ENGASE: variants seen among roughly 807,000 people sequenced by gnomAD.
ENGASE encodes the protein cytosolic endo-beta-N-acetylglucosaminidase.
ENGASE carries 69 observed loss-of-function variants against 78.5 expected under a neutral mutation model. The ratio of observed to expected loss-of-function variants is 0.88; its 90% CI spans 0.72 to 1.07. The LOEUF (loss-of-function observed/expected upper bound fraction) is 1.07, where lower values mean the gene tolerates loss of function less well. ENGASE is among the 50% of genes least tolerant of loss of function. The pLI is 0.00. For missense variants in ENGASE, 943 were observed against 988.4 expected (o/e 0.95, Z 0.62); for synonymous variants, 408 against 408.9 (o/e 1.00, Z 0.03).
In ENGASE at chr17:79,083,684, T is replaced by C; in HGVS notation, c.1252-77T>C. On this transcript the variant is annotated intron_variant, in intron 9 of 13. Transcript: ENST00000579016. This position sits in a 1 kb window ranked among gnomAD's most constrained non-coding sequence, Gnocchi z 4.9. ...CTTGCCAGCAGGCACGGTGGTGGTC[T>C]TACCCTTCCCTGCCGCTCCGGGCAC... is the stretch of plus-strand genomic sequence containing the variant. The C allele has an allele frequency of 6.4e-7, 1 of 1,562,820 alleles. No individual in the cohort carries two copies. The highest frequency in any genetic ancestry group is 1.7e-4 in the Middle Eastern group (1 of 5,880).
At chr17:79,082,889 A>G (rs2073185800) in intron 7 of ENGASE, 131 bp from the exon 8 acceptor site, 1 of 1,576,128 alleles carries the variant, frequency 6.3e-7, no homozygotes, top group East Asian at 2.3e-5. Context: ...TGCATCTAGG[A>G]GGGAGGGGTT....
At chr17:79,077,329 G>T in intron 1 of ENGASE, 101 bp from the exon 2 acceptor site, 13 of 1,012,932 alleles carry the variant, frequency 1.3e-5, no homozygotes, top group Non-Finnish European at 1.9e-5. Flanking sequence ...ATAAGGCAGA[G>T]AATATCTCTC....
In ENGASE at chr17:79,087,219, G is replaced by GCCAGC. The variant is rs2073342656; in HGVS notation, c.*878_*882dup. 1.1e-5 allele frequency: 4 copies of GCCAGC among 362,644 alleles called. No homozygotes were observed. The highest frequency in any genetic ancestry group is 6.8e-5 in the Admixed American group (2 of 29,354). 22.5% of individuals were successfully genotyped at this position (362,644 alleles called of 1,614,324 possible). Reference sequence around the variant, plus strand: ...GCAGGAAGCAGCACCTGCCCCCCGCGCCAGCCCAGCCCCAGCCTGAGTGCA... The same window carrying GCCAGC: ...GCAGGAAGCAGCACCTGCCCCCCGCGCCAGCCCAGCCCAGCCCCAGCCTGAGTGCA... On this transcript the variant is annotated 3_prime_UTR_variant, in exon 14 of 14. Coordinates refer to ENST00000579016, the MANE Select transcript of ENGASE (RefSeq NM_001042573.3).
At chr17:79,085,410 G>A (rs1006928639) in intron 12 of ENGASE, 68 bp downstream of exon 12, 7 of 1,398,650 alleles carry the variant, frequency 5.0e-6, no homozygotes, top group African/African-American at 2.9e-5. Flanking sequence ...CCCAGAGCTG[G>A]AGGGATGGAG....
chr17:79,078,044 A>G (rs2073012883), intron 3 of ENGASE, among the ~76,000 whole-genome samples, 180 bp downstream of exon 3: 2 of 152,162 alleles, frequency 1.3e-5, no homozygotes, highest in Non-Finnish European at 2.9e-5. Flanking sequence ...TTCATCTGTA[A>G]AAAGGGAAGA....
At chr17:79,080,791 A>C in intron 5 of ENGASE, 134 bp from the exon 6 acceptor site, 1 of 1,164,130 alleles carries the variant, frequency 8.6e-7, no homozygotes, top group South Asian at 1.7e-5. Flanking sequence ...TGTGGCGGGG[A>C]GGGCCTTTCA....
At position 79,078,103 on chromosome 17, in the gene ENGASE, G is replaced by A. The variant is rs368835169; in HGVS notation, c.416+239G>A. Among the ~76,000 whole-genome samples, 6 of 152,176 alleles carry A rather than the reference G, an allele frequency of 3.9e-5. No homozygotes were observed. In the East Asian group the frequency reaches 1.2e-3, roughly 29 times the overall value. Reference sequence around the variant, plus strand: ...ACCTATAATCCCAGCACTTTGGGAGGTCAAGGCAGGTGGGTCACCTGACCT... The same window carrying A: ...ACCTATAATCCCAGCACTTTGGGAGATCAAGGCAGGTGGGTCACCTGACCT... On this transcript the variant is annotated intron_variant, in intron 3 of 13. Coordinates refer to ENST00000579016, the MANE Select transcript of ENGASE (RefSeq NM_001042573.3).
Position 79,079,574 on chromosome 17 carries a change from A to G in ENGASE, c.502A>G (p.Thr168Ala), listed in dbSNP as rs1439054934. 6.2e-7 allele frequency: 1 copy of G among 1,613,840 alleles called. No homozygotes were observed. Among genetic ancestry groups the G allele is most frequent in the Non-Finnish European group, 8.5e-7 (1 of 1,179,954 alleles). Reference sequence around the variant, plus strand: ...CGTCTTTGTGTACTTCAGCCACCACACCGTCACCATTCCCCCAGTGGGCTG... The same window carrying G: ...CGTCTTTGTGTACTTCAGCCACCACGCCGTCACCATTCCCCCAGTGGGCTG... ...IDVFVYFSHH[T>A]VTIPPVGWTN... Residue 168 changes from threonine to alanine, a missense_variant, in exon 4 of 14, where the codon ACC becomes GCC. Thr to Ala is a moderately conservative substitution (Grantham distance 58, BLOSUM62 0). Coordinates refer to ENST00000579016, the MANE Select transcript of ENGASE (RefSeq NM_001042573.3).
At position 79,083,321 on chromosome 17, in the gene ENGASE, G is replaced by C. The variant is rs1262495565; in HGVS notation, c.1143-161G>C. The C allele has an allele frequency of 2.1e-5, 15 of 697,890 alleles. No homozygotes were observed. Among genetic ancestry groups the C allele is most frequent in the Non-Finnish European group, 3.6e-5 (15 of 413,910 alleles). The allele number at this position is 697,890 out of a possible 1,614,324, so 43.2% of individuals were successfully genotyped here. On this transcript the variant is annotated intron_variant, in intron 8 of 13. Transcript: ENST00000579016. The surrounding 1 kb of genome is among the most constrained non-coding windows in gnomAD (Gnocchi z 4.9). ...CCCAGCGGCCGCTTCCTGCAGACTC[G>C]TGTTTGCAGCGTATCTGTAGACGGG...
chr17:79,085,734 G>C lies in ENGASE; in HGVS notation c.1815G>C (p.Gln605His). 3.7e-6 allele frequency: 6 copies of C among 1,613,384 alleles called. No homozygotes were observed. The highest frequency in any genetic ancestry group is 5.1e-6 in the Non-Finnish European group (6 of 1,179,858). Residue 605 changes from glutamine to histidine, a missense_variant and splice_region_variant, in exon 13 of 14, where the codon CAG becomes CAC. Physicochemically the swap from Gln to His is conservative, Grantham distance 24. Transcript: ENST00000579016. ...ESFTCRLGEI[Q>H]VVDAASLLAP... ...TCACCTGTCGGCTTGGAGAGATCCA[G>C]GTGATGCTTCCCAGAGGGGCTCGGG...
At position 79,075,022 on chromosome 17, in the gene ENGASE, G is replaced by A; in HGVS notation, c.78G>A (p.Pro26=). ...RRRQLQGLAA[P]EAGTQEEQED... ...GGCAGCTGCAGGGGCTGGCGGCCCCGGAGGCGGGGACGCAGGAGGAGCAGG... is the reference window on the plus strand; with the variant it reads ...GGCAGCTGCAGGGGCTGGCGGCCCCAGAGGCGGGGACGCAGGAGGAGCAGG... The change falls in exon 1 of 14, where the codon CCG becomes CCA. Residue 26 remains proline, a synonymous_variant. Coordinates refer to ENST00000579016, the MANE Select transcript of ENGASE (RefSeq NM_001042573.3). The A allele has an allele frequency of 8.2e-7, 1 of 1,212,364 alleles. No individual in the cohort carries two copies. The highest frequency in any genetic ancestry group is 1.0e-6 in the Non-Finnish European group (1 of 973,688). 75.1% of individuals were successfully genotyped at this position (1,212,364 alleles called of 1,614,324 possible). A position where few individuals can be genotyped will look rare whatever the true frequency, so the allele number is the denominator to read the frequency against.
intron 13 of ENGASE, 38 bp downstream of exon 13, chr17:79,085,772 T>G: frequency 3.1e-6 from 5 of 1,607,424 alleles, no homozygotes; most frequent in Admixed American, 1.7e-5. Context: ...GGGCTGGCTG[T>G]TTGTCCAGCT....
intron 1 of ENGASE, among the ~76,000 whole-genome samples, chr17:79,077,208 G>A (rs997708302): frequency 2.0e-5 from 3 of 152,168 alleles, no homozygotes; most frequent in Non-Finnish European, 2.9e-5. Flanking sequence ...TCATTGGTAC[G>A]TGTGTCCATG....
Position 79,085,692 on chromosome 17 carries a change from T to C in ENGASE, c.1773T>C (p.Ser591=), listed in dbSNP as rs1568094937. The change falls in exon 13 of 14, where the codon AGT becomes AGC. Residue 591 remains serine, a synonymous_variant. Transcript: ENST00000579016. ...TTTGCTTCTCACGGCCGCCGGGTAG[T>C]CGGGAGGAGGAGAGCTTCACCTGTC... is the stretch of plus-strand genomic sequence containing the variant. ...LLVCFSRPPG[S]REEESFTCRL... The C allele has an allele frequency of 1.2e-6, 2 of 1,613,880 alleles. No individual in the cohort carries two copies. The highest frequency in any genetic ancestry group is 1.7e-5 in the Admixed American group (1 of 60,018).
At chr17:79,085,367 C>G in intron 12 of ENGASE, 25 bp downstream of exon 12, 1 of 1,551,664 alleles carries the variant, frequency 6.4e-7, no homozygotes. Context: ...TTCTTCACGT[C>G]CTTCTCCCTC....
intron 6 of ENGASE, among the ~76,000 whole-genome samples, chr17:79,081,559 G>A (rs12453500): frequency 0.14 from 21,013 of 151,952 alleles, 1,876 homozygotes; most frequent in South Asian, 0.24. Flanking sequence ...GATGCTGGGC[G>A]AGGGTTTCAG....
intron 1 of ENGASE, among the ~76,000 whole-genome samples, chr17:79,076,559 G>A (rs2072972469): frequency 6.6e-6 from 1 of 152,206 alleles, no homozygotes; most frequent in Non-Finnish European, 1.5e-5. Context: ...GCGAGACTCT[G>A]TCTCAATTAA....
At position 79,074,954 on chromosome 17, in the gene ENGASE, G is replaced by A. The variant is rs1480373679; in HGVS notation, c.10G>A (p.Ala4Thr). 4 of 1,259,574 alleles carry A rather than the reference G, an allele frequency of 3.2e-6. No homozygotes were observed. The highest frequency in any genetic ancestry group is 1.5e-5 in the African/African-American group (1 of 65,370). The allele number at this position is 1,259,574 out of a possible 1,614,324, so 78.0% of individuals were successfully genotyped here. A position where few individuals can be genotyped will look rare whatever the true frequency, so the allele number is the denominator to read the frequency against. The change falls in exon 1 of 14, where the codon GCG (alanine) becomes ACG (threonine). Residue 4 changes from alanine to threonine, a missense_variant. Coordinates refer to ENST00000579016, the MANE Select transcript of ENGASE (RefSeq NM_001042573.3). ...GTGCGCGGACAGTGTCATGGAGGCCGCGGCGGTGACGGTCACCCGGTCGGC... is the reference window on the plus strand; with the variant it reads ...GTGCGCGGACAGTGTCATGGAGGCCACGGCGGTGACGGTCACCCGGTCGGC... MEA[A>T]AVTVTRSATR...
chr17:79,076,903 C>T (rs1028306295), intron 1 of ENGASE, among the ~76,000 whole-genome samples: 34 of 152,102 alleles, frequency 2.2e-4, no homozygotes, highest in African/African-American at 5.8e-4. Context: ...GATGGAGTCT[C>T]GTTCTGTTGC....
Sources: allele counts gnomAD v4.1 joint callset (sites outside exome capture counted in the v4.1 genomes callset), GRCh38; gene constraint gnomAD v4.1.1; non-coding constraint Gnocchi (gnomAD v3.1); transcripts MANE v1.5; gene names NCBI Gene and HGNC (gene_info 2026-07-23, HGNC 2026-07-21).